Variants in ITGA8 observed in about 807,000 individuals in gnomAD.
ITGA8 encodes the protein integrin subunit alpha 8.
In ITGA8, 91 loss-of-function variants were observed where a neutral mutation model predicts 142.3. That is an observed-to-expected ratio of 0.64 (90% CI 0.54 to 0.76). The LOEUF is 0.76. Ranked by LOEUF, ITGA8 falls within the 30% of genes least tolerant of loss-of-function variation. The pLI is 0.00. For synonymous variants in ITGA8, 505 were observed against 485.2 expected (o/e 1.04, Z -0.54); for missense variants, 1,406 against 1,327.7 (o/e 1.06, Z -0.92).
At chr10:15,662,664 T>A (rs1443508244) in intron 8 of ITGA8, among the ~76,000 whole-genome samples, 2 of 152,074 alleles carry the variant, frequency 1.3e-5, no homozygotes, top group Non-Finnish European at 2.9e-5. Context: ...ATCAATATAA[T>A]CAGGAAAAAT....
chr10:15,667,200 G>A (rs1169394551), intron 8 of ITGA8, among the ~76,000 whole-genome samples: 1 of 152,186 alleles, frequency 6.6e-6, no homozygotes, highest in Non-Finnish European at 1.5e-5. Context: ...TTCAGAGCCT[G>A]TTATTGGTCT....
At chr10:15,555,878 T>C (rs1297917436) in intron 26 of ITGA8, among the ~76,000 whole-genome samples, 3 of 151,816 alleles carry the variant, frequency 2.0e-5, no homozygotes, top group South Asian at 2.1e-4. Context: ...TTTGTATTTT[T>C]AGTAGAGACG....
chr10:15,709,722 A>C (rs1394033093), intron 2 of ITGA8, among the ~76,000 whole-genome samples: 1 of 152,172 alleles, frequency 6.6e-6, no homozygotes, highest in Non-Finnish European at 1.5e-5. Flanking sequence ...ACTCAGACAC[A>C]CTCAAAAGCT....
chr10:15,694,636 TATATA>T (rs954540265), intron 2 of ITGA8, among the ~76,000 whole-genome samples: 3 of 133,496 alleles, frequency 2.2e-5, no homozygotes, highest in African/African-American at 8.1e-5. Flanking sequence ...TTAATATATT[TATATA>T]ATATATTTTA....
intron 8 of ITGA8, among the ~76,000 whole-genome samples, chr10:15,669,524 A>G (rs958581362): frequency 2.0e-5 from 3 of 152,140 alleles, no homozygotes; most frequent in African/African-American, 7.2e-5. Flanking sequence ...CAACTCATCA[A>G]AGTCATTCTC....
At chr10:15,622,744 A>G (rs559942087) in intron 13 of ITGA8, among the ~76,000 whole-genome samples, 3 of 152,340 alleles carry the variant, frequency 2.0e-5, no homozygotes, top group East Asian at 3.9e-4. Flanking sequence ...AAAAGTTAAC[A>G]TTGATTATTA....
At chr10:15,672,797 G>A in intron 6 of ITGA8, 48 bp from the exon 7 acceptor site, 2 of 1,524,102 alleles carry the variant, frequency 1.3e-6, no homozygotes, top group Non-Finnish European at 1.8e-6. Context: ...GCAAGAGGCA[G>A]GCCCTCCATG....
At chr10:15,542,815 G>A (rs962032926) in intron 27 of ITGA8, among the ~76,000 whole-genome samples, 3 of 152,176 alleles carry the variant, frequency 2.0e-5, no homozygotes, top group Admixed American at 6.5e-5. Flanking sequence ...CAGGATTGCT[G>A]TAAGAATTAA....
At chr10:15,580,025 GA>G (rs1834376370) in intron 23 of ITGA8, among the ~76,000 whole-genome samples, 1 of 127,336 alleles carries the variant, frequency 7.9e-6, no homozygotes, top group African/African-American at 2.9e-5. Context: ...CAATAAAATA[GA>G]AAAGAAAGAA....
chr10:15,659,314 AT>A (rs2131669871), intron 9 of ITGA8, among the ~76,000 whole-genome samples: 1 of 152,326 alleles, frequency 6.6e-6, no homozygotes, highest in South Asian at 2.1e-4. Context: ...TAAAAGTTGA[AT>A]TCAAGAATAC....
intron 4 of ITGA8, among the ~76,000 whole-genome samples, chr10:15,679,831 T>C (rs1834702299): frequency 6.6e-6 from 1 of 152,158 alleles, no homozygotes; most frequent in Non-Finnish European, 1.5e-5. Flanking sequence ...TTATCAAAAG[T>C]CTGTAGGGCA....
rs550270574 is a variant in ITGA8 at position 15,560,310 on chromosome 10, A to G, written c.2638-2108T>C. Among the ~76,000 whole-genome samples the G allele has an allele frequency of 1.6e-4, 24 of 152,284 alleles. No individual in the cohort carries two copies. The South Asian group carries it at 3.9e-3, about 25-fold the overall frequency. On this transcript the variant is annotated intron_variant, in intron 25 of 29. Transcript: ENST00000378076. ...AAAATAAAAAGAAAAAAAGAACAAAATTACAGATGTCCTTTTATGAGGACA... is the reference window on the plus strand; with the variant it reads ...AAAATAAAAAGAAAAAAAGAACAAAGTTACAGATGTCCTTTTATGAGGACA...
Position 15,516,766 on chromosome 10 carries a change from C to T in ITGA8, c.*392G>A, listed in dbSNP as rs935787078. ...CTTAGTTCTAAGTTCTATAGTAAATCAGTCATTTCACCTTAGTTCACCTTG... is the reference window on the plus strand; with the variant it reads ...CTTAGTTCTAAGTTCTATAGTAAATTAGTCATTTCACCTTAGTTCACCTTG... On this transcript the variant is annotated 3_prime_UTR_variant, in exon 30 of 30. Coordinates refer to ENST00000378076, the MANE Select transcript of ITGA8 (RefSeq NM_003638.3). 6.1e-6 allele frequency: 1 copy of T among 163,148 alleles called. No homozygotes were observed. Among genetic ancestry groups the T allele is most frequent in the Non-Finnish European group, 1.3e-5 (1 of 75,544 alleles). 10.1% of individuals were successfully genotyped at this position (163,148 alleles called of 1,614,324 possible). A position where few individuals can be genotyped will look rare whatever the true frequency, so the allele number is the denominator to read the frequency against.
At chr10:15,574,471 A>G (rs1834244671) in intron 24 of ITGA8, among the ~76,000 whole-genome samples, 1 of 152,040 alleles carries the variant, frequency 6.6e-6, no homozygotes, top group African/African-American at 2.4e-5. Context: ...GCTCACTGCA[A>G]CCTCTGCCTC....
At chr10:15,661,871 G>T (rs1834293729) in intron 8 of ITGA8, among the ~76,000 whole-genome samples, 1 of 152,154 alleles carries the variant, frequency 6.6e-6, no homozygotes, top group Admixed American at 6.5e-5. Context: ...GACGGAACTG[G>T]TAGTACCCTG....
intron 2 of ITGA8, among the ~76,000 whole-genome samples, chr10:15,695,283 T>A (rs1323016966): frequency 6.6e-6 from 1 of 151,850 alleles, no homozygotes; most frequent in Non-Finnish European, 1.5e-5. Flanking sequence ...CTGAGACGAG[T>A]TTTTAATCTG....
intron 23 of ITGA8, among the ~76,000 whole-genome samples, chr10:15,576,970 C>G (rs1331505615): frequency 2.6e-5 from 4 of 152,124 alleles, no homozygotes; most frequent in Admixed American, 2.0e-4. Flanking sequence ...CCTTTTCTGA[C>G]TTGGTTTGAT....
chr10:15,711,886 C>G (rs1462528225), intron 2 of ITGA8, among the ~76,000 whole-genome samples: 1 of 152,232 alleles, frequency 6.6e-6, no homozygotes, highest in Non-Finnish European at 1.5e-5. Flanking sequence ...GACCTAAACT[C>G]TGGCCTTTCA....
chr10:15,596,126 G>C (rs1218836504), intron 21 of ITGA8, among the ~76,000 whole-genome samples: 6 of 152,180 alleles, frequency 3.9e-5, no homozygotes, highest in Non-Finnish European at 7.3e-5. Context: ...CAGATAAAAG[G>C]ACTATGATAG....
Sources: allele counts gnomAD v4.1 joint callset (sites outside exome capture counted in the v4.1 genomes callset), GRCh38; gene constraint gnomAD v4.1.1; transcripts MANE v1.5; gene names NCBI Gene and HGNC (gene_info 2026-07-23, HGNC 2026-07-21).